LIMCH1: variants seen among roughly 807,000 people sequenced by gnomAD.
The protein encoded by LIMCH1 is LIM and calponin homology domains-containing protein 1.
A neutral mutation model predicts 176.5 loss-of-function variants in LIMCH1; 113 were observed. The observed-to-expected ratio is 0.64, with a 90% CI of 0.55 to 0.75. LIMCH1 has a LOEUF of 0.75. LIMCH1 is among the 30% of genes least tolerant of loss of function. The probability of loss-of-function intolerance (pLI) is 0.00; values close to 1 mark genes in which losing one functional copy is unlikely to be tolerated. For missense variants in LIMCH1, 1,674 were observed against 1,814.9 expected, an observed-to-expected ratio of 0.92 and a Z score of 1.41; for synonymous variants, 619 against 645.9, an observed-to-expected ratio of 0.96 and a Z score of 0.63.
In LIMCH1 at chr4:41,646,777, A is replaced by T. The variant is rs995192302; in HGVS notation, c.2704A>T (p.Met902Leu). The change falls in exon 17 of 32, where the codon ATG becomes TTG. Residue 902 changes from methionine to leucine, a missense_variant. Coordinates refer to ENST00000503057, the MANE Select transcript of LIMCH1 (RefSeq NM_001330672.2). ...TCGTGCCAGTGTTCTGGATACCAGC[A>T]TGTCAGCAGGCAGTGGGTCTCCAAG... ...IARASVLDTSMSAGSGSPSKT... is the reference protein window; with the variant it reads ...IARASVLDTSLSAGSGSPSKT... 1.2e-6 allele frequency: 2 copies of T among 1,614,194 alleles called. No individual in the cohort carries two copies. The highest frequency in any genetic ancestry group is 1.7e-6 in the Non-Finnish European group (2 of 1,180,018).
rs1182870111 is a variant in LIMCH1 at position 41,662,978 on chromosome 4, A to G, written c.3285A>G (p.Ser1095=). The G allele has an allele frequency of 6.2e-6, 10 of 1,613,726 alleles. No individual in the cohort carries two copies. In the East Asian group the frequency reaches 2.2e-4, roughly 36 times the overall value. ...GTGGAAAGGTGGAGTTGGTGCTGTC[A>G]CAAAAGGTGAAGTGCAGAGTGGAGG... ...EMSGKVELVL[S]QKVVKPKSPE... The change falls in exon 20 of 32, where the codon TCA becomes TCG. Residue 1095 remains serine, a synonymous_variant. Coordinates refer to ENST00000503057, the MANE Select transcript of LIMCH1 (RefSeq NM_001330672.2).
chr4:41,507,116 C>T (rs2074275860), intron 2 of LIMCH1, among the ~76,000 whole-genome samples: 1 of 152,202 alleles, frequency 6.6e-6, no homozygotes, highest in African/African-American at 2.4e-5. Flanking sequence ...ATAAAGGGTA[C>T]ACATGAACAG....
At chr4:41,558,115 T>C (rs1455112068) in intron 1 of LIMCH1, among the ~76,000 whole-genome samples, 1 of 152,098 alleles carries the variant, frequency 6.6e-6, no homozygotes, top group African/African-American at 2.4e-5. Context: ...AGCTGCTCCG[T>C]ATACATCAGC....
At chr4:41,598,821 C>A in intron 1 of LIMCH1, 99 bp from the exon 2 acceptor site, 1 of 640,702 alleles carries the variant, frequency 1.6e-6, no homozygotes, top group Non-Finnish European at 2.8e-6. Context: ...CTGACCATAG[C>A]TGCCTTAGTG....
chr4:41,399,264 A>C (rs1303564503), intron 1 of LIMCH1, among the ~76,000 whole-genome samples: 1 of 152,064 alleles, frequency 6.6e-6, no homozygotes, highest in Non-Finnish European at 1.5e-5. Flanking sequence ...CTTGTTTCTT[A>C]TATTAAGATT....
chr4:41,418,460 C>T (rs562572352), intron 1 of LIMCH1, among the ~76,000 whole-genome samples: 37 of 152,272 alleles, frequency 2.4e-4, no homozygotes, highest in Admixed American at 1.2e-3. Flanking sequence ...TCCAGGTTTG[C>T]GTTGGGAGTC....
In LIMCH1 at chr4:41,580,830, G is replaced by T. The variant is rs891397864; in HGVS notation, c.-240-18090G>T. The stretch of plus-strand genomic sequence containing the variant: ...AAACTAAAGACAAAGAAAATAAATG[G>T]CAAACCAATAAATAGAAGATAAGTT... On this transcript the variant is annotated intron_variant, in intron 1 of 31. Coordinates refer to ENST00000503057, the MANE Select transcript of LIMCH1 (RefSeq NM_001330672.2). Among the ~76,000 whole-genome samples the T allele has an allele frequency of 2.0e-5, 3 of 152,056 alleles. No individual in the cohort carries two copies. The South Asian group carries it at 6.2e-4, about 32-fold the overall frequency.
intron 1 of LIMCH1, among the ~76,000 whole-genome samples, chr4:41,465,451 G>T (rs554809222): frequency 1.3e-5 from 2 of 152,218 alleles, no homozygotes; most frequent in East Asian, 1.9e-4. Context: ...CTCCACTCTG[G>T]CATGACCTCC....
intron 1 of LIMCH1, among the ~76,000 whole-genome samples, chr4:41,454,056 C>T (rs1561421903): frequency 6.6e-6 from 1 of 152,076 alleles, no homozygotes; most frequent in Non-Finnish European, 1.5e-5. Flanking sequence ...CTGGTCCTCC[C>T]CTCCTACTTC....
chr4:41,628,228 G>T (rs115222561), intron 8 of LIMCH1, among the ~76,000 whole-genome samples: 3,175 of 152,178 alleles, frequency 0.021, 121 homozygotes, highest in African/African-American at 0.071. Context: ...CATATTGATG[G>T]CAATCAGCAA....
chr4:41,443,742 C>T (rs780347219), intron 1 of LIMCH1, among the ~76,000 whole-genome samples: 1 of 152,152 alleles, frequency 6.6e-6, no homozygotes, highest in Non-Finnish European at 1.5e-5. Context: ...CTCAGTTAAC[C>T]AAGGGAGCAG....
intron 14 of LIMCH1, among the ~76,000 whole-genome samples, chr4:41,643,967 G>T (rs1328728722): frequency 6.6e-6 from 1 of 152,080 alleles, no homozygotes; most frequent in Non-Finnish European, 1.5e-5. Context: ...TAAACTTAAG[G>T]CCAAATGATA....
chr4:41,493,919 AT>A (rs1245103781), intron 1 of LIMCH1, among the ~76,000 whole-genome samples: 2 of 152,076 alleles, frequency 1.3e-5, no homozygotes, highest in Non-Finnish European at 2.9e-5. Context: ...TCCCATCTTG[AT>A]GTTAGTCCCT....
chr4:41,632,427 A>G (rs967596842), intron 10 of LIMCH1, among the ~76,000 whole-genome samples: 1 of 151,820 alleles, frequency 6.6e-6, no homozygotes, highest in Non-Finnish European at 1.5e-5. Context: ...TTGAGGTTTC[A>G]GAGGATGGTG....
chr4:41,612,378 C>T lies in LIMCH1; in HGVS notation c.10-1088C>T, dbSNP rs779492715. On this transcript the variant is annotated intron_variant, in intron 4 of 31. Coordinates refer to ENST00000503057, the MANE Select transcript of LIMCH1 (RefSeq NM_001330672.2). ...CTATTGGGAATGCAGAGGGGACTTT[C>T]GCGAGCATCCCAGGGAATCTGCAGT... 8.8e-6 allele frequency: 5 copies of T among 570,712 alleles called. No homozygotes were observed. The East Asian group carries it at 1.1e-4, about 13-fold the overall frequency. 35.4% of individuals were successfully genotyped at this position (570,712 alleles called of 1,614,324 possible).
chr4:41,606,974 T>A (rs975202141), intron 4 of LIMCH1, among the ~76,000 whole-genome samples: 3 of 152,162 alleles, frequency 2.0e-5, no homozygotes, highest in Admixed American at 2.0e-4. Flanking sequence ...AATTTTTGTA[T>A]TTTTAGTGGA....
chr4:41,398,415 TG>T (rs984656314), intron 1 of LIMCH1, among the ~76,000 whole-genome samples: 2 of 152,112 alleles, frequency 1.3e-5, no homozygotes, highest in African/African-American at 4.8e-5. Flanking sequence ...CTGAGTTTTG[TG>T]GGTGAATAAT....
intron 1 of LIMCH1, among the ~76,000 whole-genome samples, chr4:41,573,092 C>T (rs891441803): frequency 2.0e-5 from 3 of 152,200 alleles, no homozygotes; most frequent in African/African-American, 4.8e-5. Context: ...AAAACGATGG[C>T]TTTGAAGTTT....
intron 15 of LIMCH1, 104 bp from the exon 16 acceptor site, chr4:41,646,019 C>G: frequency 8.6e-7 from 1 of 1,162,078 alleles, no homozygotes; most frequent in Admixed American, 2.3e-5. Flanking sequence ...TGCCTGGGCC[C>G]ATAGTCAGTT....
Sources: gnomAD v4.1 joint callset for allele counts (sites outside exome capture counted in the v4.1 genomes callset) on GRCh38, gnomAD v4.1.1 for gene constraint, MANE v1.5 for transcripts, NCBI Gene and HGNC (gene_info 2026-07-23, HGNC 2026-07-21) for gene names.